Variants in COX16 observed in about 807,000 individuals in gnomAD.
COX16 encodes the protein cytochrome c oxidase assembly factor COX16.
A neutral mutation model predicts 15.4 loss-of-function variants in COX16; 12 were observed. The observed-to-expected ratio is 0.78, with a 90% confidence interval of 0.50 to 1.26. COX16 has a LOEUF of 1.26. Among genes scored for constraint, COX16 ranks in the 50% most tolerant of loss-of-function variants. COX16 has a pLI of 0.00. For synonymous variants in COX16, 46 were observed against 41.1 expected, an observed-to-expected ratio of 1.12 and a Z score of -0.46; for missense variants, 124 against 127.6, an observed-to-expected ratio of 0.97 and a Z score of 0.14.
At position 70,328,072 on chromosome 14, in the gene COX16, A is replaced by ATTTTTTTTTTTTTTTTTTTTTTTTTTTTT. The variant is rs77655575; in HGVS notation, c.204+1101_204+1102insAAAAAAAAAAAAAAAAAAAAAAAAAAAAA. 7.4e-5 allele frequency: 6 copies of ATTTTTTTTTTTTTTTTTTTTTTTTTTTTT among 80,842 alleles called. 1 individual carries two copies. Among genetic ancestry groups the ATTTTTTTTTTTTTTTTTTTTTTTTTTTTT allele is most frequent in the African/African-American group, 2.5e-4 (5 of 19,846 alleles). The allele number at this position is 80,842 out of a possible 1,614,324, so 5.0% of individuals were successfully genotyped here. On this transcript the variant is annotated intron_variant, in intron 3 of 3. Coordinates refer to ENST00000389912, the MANE Select transcript of COX16 (RefSeq NM_016468.7). ...AGTAAAAATTATGCCTGAGAATAAG[A>ATTTTTTTTTTTTTTTTTTTTTTTTTTTTT]TTTTTTTTTTTTTTTTTTTTTTTTT...
intron 2 of COX16, among the ~76,000 whole-genome samples, chr14:70,333,476 C>G (rs1886353865): frequency 6.6e-6 from 1 of 152,014 alleles, no homozygotes; most frequent in Non-Finnish European, 1.5e-5. Context: ...CAGAAGAATT[C>G]AGCAAACAGA....
chr14:70,354,075 G>A (rs911334489), intron 1 of COX16, among the ~76,000 whole-genome samples: 2 of 152,010 alleles, frequency 1.3e-5, no homozygotes, highest in Non-Finnish European at 2.9e-5. Context: ...TACGCCGGAG[G>A]CTGAGGTGGG....
intron 3 of COX16, chr14:70,328,068 T>C (rs970588012): frequency 7.7e-6 from 1 of 130,704 alleles, no homozygotes; most frequent in Non-Finnish European, 1.6e-5. Context: ...TGCCTGAGAA[T>C]AAGATTTTTT....
chr14:70,357,158 C>CAAAAAAAAAAAAAAAAAAA (rs4048531), intron 1 of COX16, among the ~76,000 whole-genome samples: 1 of 78,700 alleles, frequency 1.3e-5, no homozygotes, highest in African/African-American at 4.8e-5. Flanking sequence ...AAGCGTTTGT[C>CAAAAAAAAAAAAAAAAAAA]AAAAAAAAAA....
chr14:70,333,223 T>C (rs1387705189), intron 2 of COX16, among the ~76,000 whole-genome samples: 1 of 152,070 alleles, frequency 6.6e-6, no homozygotes, highest in Non-Finnish European at 1.5e-5. Flanking sequence ...CCTCATCAAA[T>C]GGACAAAATA....
rs1290910944 is a variant in COX16 at position 70,325,766 on chromosome 14, G to C, written c.*567C>G. ...CAACCATAAATAATATAATTTCCTT[G>C]ACATGTTAATGGTATCATTGTAATT... is the stretch of plus-strand genomic sequence containing the variant. On this transcript the variant is annotated 3_prime_UTR_variant, in exon 4 of 4. Coordinates refer to ENST00000389912, the MANE Select transcript of COX16 (RefSeq NM_016468.7). 1 of 152,006 alleles carries C rather than the reference G, an allele frequency of 6.6e-6. No individual in the cohort carries two copies. The highest frequency in any genetic ancestry group is 1.5e-5 in the Non-Finnish European group (1 of 68,020). The allele number at this position is 152,006 out of a possible 1,614,324, so 9.4% of individuals were successfully genotyped here. A position where few individuals can be genotyped will look rare whatever the true frequency, so the allele number is the denominator to read the frequency against.
At chr14:70,337,295 A>G (rs1387662818) in intron 2 of COX16, among the ~76,000 whole-genome samples, 1 of 152,058 alleles carries the variant, frequency 6.6e-6, no homozygotes, top group South Asian at 2.1e-4. Context: ...GAGGTTCCAG[A>G]TGATATTGTT....
intron 1 of COX16, 124 bp downstream of exon 1, chr14:70,359,395 C>G: frequency 1.2e-6 from 1 of 846,818 alleles, no homozygotes. Context: ...CACCCCGTCG[C>G]TAGCTCCTTC....
chr14:70,349,628 A>G (rs755640929), intron 1 of COX16, among the ~76,000 whole-genome samples: 1 of 152,198 alleles, frequency 6.6e-6, no homozygotes, highest in Non-Finnish European at 1.5e-5. Flanking sequence ...AGCTGGCTCT[A>G]AAAACCCAGC....
At position 70,343,490 on chromosome 14, in the gene COX16, CTTTTGA is replaced by C. The variant is rs910481662; in HGVS notation, c.70-767_70-762del. 5.9e-5 allele frequency among the ~76,000 whole-genome samples: 9 copies of C among 152,140 alleles called. No homozygotes were observed. In the East Asian group the frequency reaches 1.3e-3, roughly 23 times the overall value. ...CATTTTTTCCTTCAAGACCAGAATT[CTTTTGA>C]TTTTATGATTTTTCAAAATAAGGCA... On this transcript the variant is annotated intron_variant, in intron 1 of 3. Coordinates refer to ENST00000389912, the MANE Select transcript of COX16 (RefSeq NM_016468.7).
At chr14:70,328,690 T>C (rs890167460) in intron 3 of COX16, among the ~76,000 whole-genome samples, 5 of 152,206 alleles carry the variant, frequency 3.3e-5, no homozygotes, top group African/African-American at 1.2e-4. Flanking sequence ...AAATGAATTG[T>C]TGAACTTTTT....
chr14:70,330,690 G>A (rs181940726), intron 2 of COX16, among the ~76,000 whole-genome samples: 2,561 of 152,182 alleles, frequency 0.017, 73 homozygotes, highest in African/African-American at 0.057. Context: ...AAACTAATGC[G>A]ACAGAACAGA....
At chr14:70,336,178 C>T (rs1158808872) in intron 2 of COX16, among the ~76,000 whole-genome samples, 1 of 152,192 alleles carries the variant, frequency 6.6e-6, no homozygotes, top group Non-Finnish European at 1.5e-5. Context: ...ATCGCTTGAA[C>T]CCAGGAGGCG....
At chr14:70,335,091 TA>T (rs1886409130) in intron 2 of COX16, among the ~76,000 whole-genome samples, 1 of 151,822 alleles carries the variant, frequency 6.6e-6, no homozygotes, top group Non-Finnish European at 1.5e-5. Flanking sequence ...AGTCAAAAAC[TA>T]AAAAGAGACA....
At chr14:70,329,274 C>G in intron 2 of COX16, 38 bp from the exon 3 acceptor site, 2 of 1,536,856 alleles carry the variant, frequency 1.3e-6, no homozygotes, top group East Asian at 4.7e-5. Context: ...TTATCTAAGT[C>G]TGTTTGTTAG....
At chr14:70,355,538 C>G (rs1340139045) in intron 1 of COX16, among the ~76,000 whole-genome samples, 2 of 152,112 alleles carry the variant, frequency 1.3e-5, no homozygotes, top group Non-Finnish European at 2.9e-5. Context: ...CAAAGCAGAC[C>G]AGATTAGTAC....
chr14:70,347,294 G>C (rs958234249), intron 1 of COX16, among the ~76,000 whole-genome samples: 9 of 152,134 alleles, frequency 5.9e-5, no homozygotes, highest in Non-Finnish European at 2.9e-5. Context: ...CATTAACCAA[G>C]CTGTACTCCC....
intron 1 of COX16, among the ~76,000 whole-genome samples, chr14:70,355,716 A>T (rs1000714310): frequency 6.6e-6 from 1 of 152,232 alleles, no homozygotes; most frequent in African/African-American, 2.4e-5. Flanking sequence ...CATTGTCATG[A>T]CAAGAACCAG....
At position 70,326,073 on chromosome 14, in the gene COX16, G is replaced by C. The variant is rs1886060422; in HGVS notation, c.*260C>G. ...GAGTGGAATACGTGACTCTGTTTTTGGAGCAGTATTCACATTTTTTATTTC... is the reference window on the plus strand; with the variant it reads ...GAGTGGAATACGTGACTCTGTTTTTCGAGCAGTATTCACATTTTTTATTTC... On this transcript the variant is annotated 3_prime_UTR_variant, in exon 4 of 4. Transcript: ENST00000389912. 4.9e-6 allele frequency: 1 copy of C among 204,908 alleles called. No homozygotes were observed. The highest frequency in any genetic ancestry group is 2.3e-5 in the African/African-American group (1 of 43,282). 12.7% of individuals were successfully genotyped at this position (204,908 alleles called of 1,614,324 possible). A position where few individuals can be genotyped will look rare whatever the true frequency, so the allele number is the denominator to read the frequency against.
Sources: allele counts gnomAD v4.1 joint callset (sites outside exome capture counted in the v4.1 genomes callset), GRCh38; gene constraint gnomAD v4.1.1; transcripts MANE v1.5; gene names NCBI Gene and HGNC (gene_info 2026-07-23, HGNC 2026-07-21).